RNF130: variants seen among roughly 807,000 people sequenced by gnomAD.
The protein encoded by RNF130 is ring finger protein 130, also known as E3 ubiquitin-protein ligase RNF130.
A neutral mutation model predicts 44.6 loss-of-function variants in RNF130; 21 were observed. The observed-to-expected ratio is 0.47, with a 90% CI of 0.33 to 0.68. The LOEUF (loss-of-function observed/expected upper bound fraction) is 0.68. RNF130 is among the 30% of genes least tolerant of loss of function. The pLI, the probability that RNF130 is intolerant of heterozygous loss-of-function variation, is 0.02. For synonymous variants in RNF130, 214 were observed against 210.4 expected (o/e 1.02, Z -0.15); for missense variants, 479 against 560.6 (o/e 0.85, Z 1.47).
chr5:179,975,086 G>C (rs970553884), intron 5 of RNF130, among the ~76,000 whole-genome samples: 2 of 152,268 alleles, frequency 1.3e-5, no homozygotes, highest in African/African-American at 2.4e-5. Flanking sequence ...AGTCTGTTCA[G>C]AGTCCCGTGG....
At chr5:179,927,989 C>G (rs893414663) in intron 7 of RNF130, among the ~76,000 whole-genome samples, 10 of 152,254 alleles carry the variant, frequency 6.6e-5, no homozygotes, top group Middle Eastern at 3.4e-3. Flanking sequence ...ATTTATGTTG[C>G]AACATCCATC....
chr5:180,010,913 G>A (rs1210994638), intron 3 of RNF130, among the ~76,000 whole-genome samples: 3 of 152,104 alleles, frequency 2.0e-5, no homozygotes, highest in Non-Finnish European at 4.4e-5. Flanking sequence ...AACTGGAGAG[G>A]TGGGGAGATT....
chr5:180,021,901 A>C (rs1237682944), intron 2 of RNF130, among the ~76,000 whole-genome samples: 1 of 152,156 alleles, frequency 6.6e-6, no homozygotes, highest in African/African-American at 2.4e-5. Context: ...GGTCCGAGTC[A>C]CATGCTACAC....
intron 3 of RNF130, among the ~76,000 whole-genome samples, chr5:179,994,935 G>T (rs1231384302): frequency 1.3e-5 from 2 of 152,172 alleles, no homozygotes; most frequent in African/African-American, 4.8e-5. Flanking sequence ...AAAGCTCAGT[G>T]GTTTGGGTCT....
chr5:179,945,378 C>T (rs1240875412), intron 7 of RNF130, among the ~76,000 whole-genome samples: 5 of 152,110 alleles, frequency 3.3e-5, no homozygotes. Flanking sequence ...TGAGTGGTAC[C>T]TGAGCAAGGC....
chr5:180,068,872 G>C (rs1331904707), intron 1 of RNF130, among the ~76,000 whole-genome samples: 1 of 152,138 alleles, frequency 6.6e-6, no homozygotes, highest in Non-Finnish European at 1.5e-5. Context: ...TGTAATCTGA[G>C]CATTACTTTG....
At chr5:179,973,783 G>C (rs1214505031) in intron 5 of RNF130, among the ~76,000 whole-genome samples, 3 of 152,182 alleles carry the variant, frequency 2.0e-5, no homozygotes, top group Non-Finnish European at 4.4e-5. Context: ...ATAAAAAACA[G>C]GCCCGCCACA....
At chr5:180,023,722 GAATA>G (rs1561696886) in intron 2 of RNF130, among the ~76,000 whole-genome samples, 1 of 152,072 alleles carries the variant, frequency 6.6e-6, no homozygotes, top group African/African-American at 2.4e-5. Context: ...ATAAATGACT[GAATA>G]AATTAATAAA....
intron 5 of RNF130, among the ~76,000 whole-genome samples, chr5:179,971,405 T>A (rs534874746): frequency 6.6e-6 from 1 of 152,372 alleles, no homozygotes; most frequent in Non-Finnish European, 1.5e-5. Flanking sequence ...AGTCTTGCTC[T>A]GTCGCCCAGG....
At chr5:180,057,931 C>A (rs557278165) in intron 1 of RNF130, among the ~76,000 whole-genome samples, 1 of 152,100 alleles carries the variant, frequency 6.6e-6, no homozygotes, top group African/African-American at 2.4e-5. Context: ...AAGTAGGGGG[C>A]GGTTTTGTGG....
exon 8 of RNF130, chr5:179,912,860 G>A (rs1470510732): frequency 6.6e-6 from 1 of 152,236 alleles, no homozygotes; most frequent in Non-Finnish European, 1.5e-5. Flanking sequence ...AAGCAAATTT[G>A]AATTCACTCT....
intron 1 of RNF130, among the ~76,000 whole-genome samples, chr5:180,059,858 C>T (rs1764932304): frequency 6.6e-6 from 1 of 152,210 alleles, no homozygotes; most frequent in Non-Finnish European, 1.5e-5. Flanking sequence ...AGACGTCCAT[C>T]TCCCAATCCC....
chr5:179,986,251 ATG>A (rs1762949543), intron 3 of RNF130, among the ~76,000 whole-genome samples: 1 of 152,192 alleles, frequency 6.6e-6, no homozygotes, highest in South Asian at 2.1e-4. Flanking sequence ...CTGTCCTTTT[ATG>A]TGTTTTACAA....
chr5:179,922,706 G>A (rs1044930470), intron 7 of RNF130, among the ~76,000 whole-genome samples: 4 of 151,572 alleles, frequency 2.6e-5, no homozygotes, highest in African/African-American at 4.8e-5. Flanking sequence ...GGGAGGCTGA[G>A]CCAGATGGCT....
rs547674776 is a variant in RNF130, at chr5:180,016,446, C to CA, written c.443-3136dup. Among the ~76,000 whole-genome samples, 11 of 152,318 alleles carry CA rather than the reference C, an allele frequency of 7.2e-5. No homozygotes were observed. In the East Asian group the frequency reaches 2.1e-3, roughly 29 times the overall value. Reference sequence around the variant, plus strand: ...GACTGTAACGCTGTAAATATCAAAGCACATTTGGGACATGCCCCACCACTC... The same window carrying CA: ...GACTGTAACGCTGTAAATATCAAAGCAACATTTGGGACATGCCCCACCACTC... On this transcript the variant is annotated intron_variant, in intron 2 of 8. Transcript: ENST00000521389.
At chr5:180,041,726 T>G (rs1290610216) in intron 1 of RNF130, among the ~76,000 whole-genome samples, 1 of 151,900 alleles carries the variant, frequency 6.6e-6, no homozygotes, top group Non-Finnish European at 1.5e-5. Context: ...GGGAAGGAAG[T>G]AAGGAAAGGG....
intron 7 of RNF130, among the ~76,000 whole-genome samples, chr5:179,924,185 A>AT (rs566757742): frequency 1.6e-3 from 238 of 147,152 alleles, no homozygotes; most frequent in Middle Eastern, 7.1e-3. Flanking sequence ...TCCCTAAACA[A>AT]TTTTTTTTTT....
chr5:179,980,042 A>G, intron 4 of RNF130, 87 bp downstream of exon 4: 4 of 1,056,792 alleles, frequency 3.8e-6, no homozygotes, highest in Non-Finnish European at 4.3e-6. Context: ...AATGAAATGT[A>G]AACAATTAGG....
At chr5:179,951,734 A>C (rs1337672737), downstream of RNF130, among the ~76,000 whole-genome samples, 1 of 152,220 alleles carries the variant, frequency 6.6e-6, no homozygotes, top group African/African-American at 2.4e-5. Context: ...CAATAACTGA[A>C]TTTAGAATGA....
Sources: allele counts gnomAD v4.1 joint callset (sites outside exome capture counted in the v4.1 genomes callset), GRCh38; gene constraint gnomAD v4.1.1; transcripts MANE v1.5; gene names NCBI Gene and HGNC (gene_info 2026-07-23, HGNC 2026-07-21).